The following SHISA2 variants were observed in gnomAD, a reference collection of about 807,000 sequenced individuals.
SHISA2 encodes the protein shisa family member 2.
SHISA2 carries 16 observed loss-of-function variants against 23.8 expected under a neutral mutation model. The observed-to-expected ratio is 0.67, with a 90% confidence interval of 0.46 to 1.02. The LOEUF (loss-of-function observed/expected upper bound fraction) is 1.02, where lower values mean the gene tolerates loss of function less well. Among genes scored for constraint, SHISA2 ranks in the 50% least tolerant of loss-of-function variants. The probability of loss-of-function intolerance (pLI) is 0.00; values close to 1 mark genes in which losing one functional copy is unlikely to be tolerated. For synonymous variants in SHISA2, 201 were observed against 178.6 expected, an observed-to-expected ratio of 1.13 and a Z score of -1.00; for missense variants, 459 against 420.1, an observed-to-expected ratio of 1.09 and a Z score of -0.81.
At chr13:26,050,186 G>T (rs1314249541) in intron 1 of SHISA2, among the ~76,000 whole-genome samples, 1 of 152,178 alleles carries the variant, frequency 6.6e-6, no homozygotes, top group Admixed American at 6.5e-5. Flanking sequence ...CGTCTGGCAC[G>T]GGGCAGCAGC....
At chr13:26,048,793 T>C (rs959988662) in intron 1 of SHISA2, among the ~76,000 whole-genome samples, 7 of 152,182 alleles carry the variant, frequency 4.6e-5, no homozygotes, top group African/African-American at 1.4e-4. Context: ...AGTAAAACAA[T>C]ACTTTATAGG....
rs1957307425 is a variant in SHISA2 at position 26,051,925 on chromosome 13, G to A, written c.-950C>T. ...GCACCGATGGAAGCCTCCCACGGAA[G>A]TTTCTTTCCTCCGGGCTACGGGAGA... On this transcript the variant is annotated 5_prime_UTR_variant, in exon 1 of 2. Transcript: ENST00000319420. Among the ~76,000 whole-genome samples the A allele has an allele frequency of 6.6e-6, 1 of 152,190 alleles. No individual in the cohort carries two copies. Among genetic ancestry groups the A allele is most frequent in the African/African-American group, 2.4e-5 (1 of 41,464 alleles).
chr13:26,049,863 AACACACACACACACACAC>A (rs57979033), intron 1 of SHISA2, among the ~76,000 whole-genome samples: 8 of 136,036 alleles, frequency 5.9e-5, no homozygotes, highest in African/African-American at 2.0e-4. Context: ...CGAAATAAAT[AACACACACACACACACAC>A]ACACACACAC....
Position 26,046,765 on chromosome 13 carries a change from G to A in SHISA2, c.636C>T (p.Thr212=). The change falls in exon 2 of 2, where the codon ACC becomes ACT. Residue 212 remains threonine, a synonymous_variant. Transcript: ENST00000319420. ...GCATGTTGACATACACGTTGTTCAT[G>A]GTCCCTTCCGGCAAGCAACAGTTGG... ...SQTNCCLPEG[T]MNNVYVNMPT... 1 of 1,614,218 alleles carries A rather than the reference G, an allele frequency of 6.2e-7. No individual in the cohort carries two copies. Among genetic ancestry groups the A allele is most frequent in the Non-Finnish European group, 8.5e-7 (1 of 1,180,050 alleles).
In SHISA2 at chr13:26,050,847, G is replaced by T. The variant is rs1008055272; in HGVS notation, c.129C>A (p.Asp43Glu). The T allele has an allele frequency of 6.5e-7, 1 of 1,530,852 alleles. No individual in the cohort carries two copies. The highest frequency in any genetic ancestry group is 1.2e-5 in the South Asian group (1 of 83,356). 94.8% of individuals were successfully genotyped at this position (1,530,852 alleles called of 1,614,324 possible). Reference protein sequence around the residue: ...ASGEYCHGWLDAQGVWRIGFQ... With the variant: ...ASGEYCHGWLEAQGVWRIGFQ... Reference sequence around the variant, plus strand: ...AGCCGATGCGCCAGACGCCCTGCGCGTCCAGCCAGCCGTGGCAGTACTCGC... The same window carrying T: ...AGCCGATGCGCCAGACGCCCTGCGCTTCCAGCCAGCCGTGGCAGTACTCGC... Residue 43 changes from aspartate (D) to glutamate (E), a missense_variant, in exon 1 of 2, where the codon GAC becomes GAA. Transcript: ENST00000319420.
chr13:26,047,387 C>T (rs1957275689), intron 1 of SHISA2, among the ~76,000 whole-genome samples: 1 of 152,212 alleles, frequency 6.6e-6, no homozygotes, highest in African/African-American at 2.4e-5. Flanking sequence ...CAGGTTAAGA[C>T]AGTTATGGTT....
rs904215863 is a variant in SHISA2, at chr13:26,051,136, G to T, written c.-161C>A. On this transcript the variant is annotated 5_prime_UTR_variant, in exon 1 of 2. Transcript: ENST00000319420. ...GCGACGCCCAGGAGGCGACGACGCCGGGCCCTAGGTCCAGGAGCTCCTAAG... is the reference window on the plus strand; with the variant it reads ...GCGACGCCCAGGAGGCGACGACGCCTGGCCCTAGGTCCAGGAGCTCCTAAG... The T allele has an allele frequency of 6.0e-5, 37 of 617,080 alleles. No individual in the cohort carries two copies. The African/African-American group carries it at 7.1e-4, about 12-fold the overall frequency. The allele number at this position is 617,080 out of a possible 1,614,324, so 38.2% of individuals were successfully genotyped here.
rs567061444 is a variant in SHISA2, at chr13:26,048,041, G to A, written c.335-975C>T. Among the ~76,000 whole-genome samples, 60 of 152,288 alleles carry A rather than the reference G, an allele frequency of 3.9e-4. No homozygotes were observed. In the South Asian group the frequency reaches 7.7e-3, roughly 19 times the overall value. ...TTTCTGGCGGGGCACGGTGGCTCAC[G>A]CCTGTAATCCAAGCACTTTGGGAGG... On this transcript the variant is annotated intron_variant, in intron 1 of 1. Transcript: ENST00000319420.
At chr13:26,048,774 T>C (rs1957282048) in intron 1 of SHISA2, among the ~76,000 whole-genome samples, 1 of 152,220 alleles carries the variant, frequency 6.6e-6, no homozygotes, top group African/African-American at 2.4e-5. Flanking sequence ...GGAGAAATAA[T>C]GCCCTGTAAG....
rs1555308802 is a variant in SHISA2 at position 26,051,410 on chromosome 13, T to TCCCGCGCGCGAATCAGGGC, written c.-454_-436dup. On this transcript the variant is annotated 5_prime_UTR_variant, in exon 1 of 2. Coordinates refer to ENST00000319420, the MANE Select transcript of SHISA2 (RefSeq NM_001007538.2). ...TCTGCGCAGGGTTTAAGCCTCAGGG[T>TCCCGCGCGCGAATCAGGGC]CCCGCGCGCGAATCAGGGCCCGTCT... 2.0e-5 allele frequency among the ~76,000 whole-genome samples: 3 copies of TCCCGCGCGCGAATCAGGGC among 152,028 alleles called. No individual in the cohort carries two copies. Among genetic ancestry groups the TCCCGCGCGCGAATCAGGGC allele is most frequent in the African/African-American group, 4.8e-5 (2 of 41,406 alleles).
At position 26,052,010 on chromosome 13, in the gene SHISA2, C is replaced by T. The variant is rs923144065; in HGVS notation, c.-1035G>A. ...GCCCCGCCCGGCGCCAGACCAGCTC[C>T]GACTCCGCTCGCTGCCGCGCTGAGC... On this transcript the variant is annotated 5_prime_UTR_variant, in exon 1 of 2. Transcript: ENST00000319420. Among the ~76,000 whole-genome samples the T allele has an allele frequency of 4.6e-5, 7 of 152,148 alleles. No homozygotes were observed. Among genetic ancestry groups the T allele is most frequent in the Non-Finnish European group, 8.8e-5 (6 of 68,016 alleles).
Position 26,050,976 on chromosome 13 carries a change from G to A in SHISA2, c.-1C>T, listed in dbSNP as rs1401558771. On this transcript the variant is annotated 5_prime_UTR_variant, in exon 1 of 2. Transcript: ENST00000319420. ...CGGACGAGCGGCGAGCGCCCCACAT[G>A]GCACCACCCTGGGCGCGGACAGCGC... is the stretch of plus-strand genomic sequence containing the variant. 12 of 1,502,122 alleles carry A rather than the reference G, an allele frequency of 8.0e-6. No homozygotes were observed. The highest frequency in any genetic ancestry group is 1.1e-5 in the Non-Finnish European group (12 of 1,133,506). 93.0% of individuals were successfully genotyped at this position (1,502,122 alleles called of 1,614,324 possible). A position where few individuals can be genotyped will look rare whatever the true frequency, so the allele number is the denominator to read the frequency against.
At position 26,046,530 on chromosome 13, in the gene SHISA2, G is replaced by T; in HGVS notation, c.871C>A (p.Pro291Thr). The change falls in exon 2 of 2, where the codon CCA becomes ACA. Residue 291 changes from proline (P) to threonine (T), a missense_variant. Coordinates refer to ENST00000319420, the MANE Select transcript of SHISA2 (RefSeq NM_001007538.2). ...ACTCTCGGTTATACAGTCACCGCTG[G>T]GTACATCTTCTGTTCACTGTTGGTG... Reference protein sequence around the residue: ...PHTNSEQKMYPAVTV With the variant: ...PHTNSEQKMYTAVTV 6.2e-7 allele frequency: 1 copy of T among 1,608,018 alleles called. No homozygotes were observed. Among genetic ancestry groups the T allele is most frequent in the Non-Finnish European group, 8.5e-7 (1 of 1,176,352 alleles).
At position 26,045,783 on chromosome 13, in the gene SHISA2, GA is replaced by G. The variant is rs549236923; in HGVS notation, c.*729del. Reference sequence around the variant, plus strand: ...CTTCCCCTTAACCTTGGATGCATTAGAAAAAAAAAAAGGCTCAGGCTGGGGG... The same window carrying G: ...CTTCCCCTTAACCTTGGATGCATTAGAAAAAAAAAAGGCTCAGGCTGGGGG... On this transcript the variant is annotated 3_prime_UTR_variant, in exon 2 of 2. Coordinates refer to ENST00000319420, the MANE Select transcript of SHISA2 (RefSeq NM_001007538.2). The G allele has an allele frequency of 1.4e-3, 208 of 144,522 alleles. No homozygotes were observed. The highest frequency in any genetic ancestry group is 3.6e-3 in the Middle Eastern group (1 of 280). The allele number at this position is 144,522 out of a possible 1,614,324, so 9.0% of individuals were successfully genotyped here. A position where few individuals can be genotyped will look rare whatever the true frequency, so the allele number is the denominator to read the frequency against.
In SHISA2 at chr13:26,051,432, G is replaced by T. The variant is rs1005519527; in HGVS notation, c.-457C>A. Among the ~76,000 whole-genome samples, 1 of 152,168 alleles carries T rather than the reference G, an allele frequency of 6.6e-6. No homozygotes were observed. The highest frequency in any genetic ancestry group is 2.4e-5 in the African/African-American group (1 of 41,436). The stretch of plus-strand genomic sequence containing the variant: ...GGGTCCCGCGCGCGAATCAGGGCCC[G>T]TCTCCCCTCCTTTATTCCCTCCTCG... On this transcript the variant is annotated 5_prime_UTR_variant, in exon 1 of 2. Coordinates refer to ENST00000319420, the MANE Select transcript of SHISA2 (RefSeq NM_001007538.2).
rs535821050 is a variant in SHISA2 at position 26,048,109 on chromosome 13, C to A, written c.335-1043G>T. ...CCTGAGCTCAGGACTTCAAGACCAG[C>A]CTGGCCAACATGGTGAGACCCTGTC... On this transcript the variant is annotated intron_variant, in intron 1 of 1. Coordinates refer to ENST00000319420, the MANE Select transcript of SHISA2 (RefSeq NM_001007538.2). Among the ~76,000 whole-genome samples the A allele has an allele frequency of 5.9e-5, 9 of 152,238 alleles. No individual in the cohort carries two copies. In the East Asian group the frequency reaches 1.7e-3, roughly 29 times the overall value.
At chr13:26,050,448 G>A (rs1957294152) in intron 1 of SHISA2, among the ~76,000 whole-genome samples, 194 bp downstream of exon 1, 1 of 152,190 alleles carries the variant, frequency 6.6e-6, no homozygotes. Flanking sequence ...CCACCCTTTG[G>A]CTGACAGATG....
chr13:26,050,186 G>C (rs1314249541), intron 1 of SHISA2, among the ~76,000 whole-genome samples: 2 of 152,178 alleles, frequency 1.3e-5, no homozygotes, highest in Non-Finnish European at 1.5e-5. Context: ...CGTCTGGCAC[G>C]GGGCAGCAGC....
At position 26,046,467 on chromosome 13, in the gene SHISA2, CT is replaced by C. The variant is rs759073425; in HGVS notation, c.*45del. On this transcript the variant is annotated 3_prime_UTR_variant, in exon 2 of 2. Coordinates refer to ENST00000319420, the MANE Select transcript of SHISA2 (RefSeq NM_001007538.2). The stretch of plus-strand genomic sequence containing the variant: ...GGACTTCCACCTCGAGAATCCACCC[CT>C]GCCTTCGTCTCCCTTCAGTAAAGGA... The C allele has an allele frequency of 6.5e-7, 1 of 1,535,912 alleles. No homozygotes were observed. The highest frequency in any genetic ancestry group is 1.4e-5 in the African/African-American group (1 of 73,258).
Sources: allele counts gnomAD v4.1 joint callset (sites outside exome capture counted in the v4.1 genomes callset), GRCh38; gene constraint gnomAD v4.1.1; transcripts MANE v1.5; gene names NCBI Gene and HGNC (gene_info 2026-07-23, HGNC 2026-07-21).